The following TMEM106B variants were observed in gnomAD, a reference collection of about 807,000 sequenced individuals.
The protein encoded by TMEM106B is transmembrane protein 106B.
Under a neutral mutation model 31.1 loss-of-function variants are expected in TMEM106B, and 15 were observed. That is an observed-to-expected ratio of 0.48 (90% CI 0.32 to 0.74). The LOEUF (loss-of-function observed/expected upper bound fraction) is 0.74. Ranked by LOEUF, TMEM106B falls within the 30% of genes least tolerant of loss-of-function variation. TMEM106B has a pLI of 0.03. For synonymous variants in TMEM106B, 126 were observed against 112.5 expected (o/e 1.12, Z -0.76); for missense variants, 283 against 327.3 (o/e 0.86, Z 1.04).
chr7:12,213,973 C>T (rs556758642), intron 1 of TMEM106B, among the ~76,000 whole-genome samples: 3 of 152,282 alleles, frequency 2.0e-5, no homozygotes, highest in South Asian at 4.1e-4. Context: ...TCAGGCACAA[C>T]TGACCAGCAT....
intron 3 of TMEM106B, among the ~76,000 whole-genome samples, chr7:12,223,679 A>G (rs138606559): frequency 4.1e-5 from 6 of 147,324 alleles, no homozygotes; most frequent in African/African-American, 7.5e-5. Context: ...TAAATGTTCT[A>G]TTGTTTTTAA....
intron 2 of TMEM106B, among the ~76,000 whole-genome samples, chr7:12,215,319 G>A (rs1781665267): frequency 6.6e-6 from 1 of 151,800 alleles, no homozygotes; most frequent in Non-Finnish European, 1.5e-5. Flanking sequence ...AGTCCTATTT[G>A]GCATCTGTAG....
At chr7:12,227,232 T>C (rs550119892) in intron 4 of TMEM106B, among the ~76,000 whole-genome samples, 1 of 152,186 alleles carries the variant, frequency 6.6e-6, no homozygotes, top group Non-Finnish European at 1.5e-5. Flanking sequence ...TATAAGTATG[T>C]TGAAAATGGA....
chr7:12,233,715 G>A lies in TMEM106B; in HGVS notation c.*1740G>A, dbSNP rs545068418. ...ATCATTTTCATTTTTCTTCTGCTACGTTTCCTGACTACTACTGCATACTTC... is the reference window on the plus strand; with the variant it reads ...ATCATTTTCATTTTTCTTCTGCTACATTTCCTGACTACTACTGCATACTTC... On this transcript the variant is annotated 3_prime_UTR_variant, in exon 8 of 8. Transcript: ENST00000396668. The A allele has an allele frequency of 3.4e-5, 5 of 148,166 alleles. No homozygotes were observed. The highest frequency in any genetic ancestry group is 7.5e-5 in the Non-Finnish European group (5 of 66,974). 9.2% of individuals were successfully genotyped at this position (148,166 alleles called of 1,614,324 possible).
chr7:12,239,034 C>T lies in TMEM106B; in HGVS notation c.*7059C>T, dbSNP rs1007370630. 3 of 152,060 alleles carry T rather than the reference C, an allele frequency of 2.0e-5. No individual in the cohort carries two copies. In the East Asian group the frequency reaches 5.8e-4, roughly 29 times the overall value. The allele number at this position is 152,060 out of a possible 1,614,324, so 9.4% of individuals were successfully genotyped here. A position where few individuals can be genotyped will look rare whatever the true frequency, so the allele number is the denominator to read the frequency against. ...TAGCTATGAAAGTTTTAGATGGCAC[C>T]TTTTTGTAAAAGAAGGTTGTTTTAT... is the stretch of plus-strand genomic sequence containing the variant. On this transcript the variant is annotated 3_prime_UTR_variant, in exon 8 of 8. Transcript: ENST00000396668.
rs1441274612 is a variant in TMEM106B at position 12,237,810 on chromosome 7, T to TACACACACACACACACACACAC, written c.*5836_*5837insCACACACACACACACACACACA. On this transcript the variant is annotated 3_prime_UTR_variant, in exon 8 of 8. Coordinates refer to ENST00000396668, the MANE Select transcript of TMEM106B (RefSeq NM_001134232.2). ...ACATGGCGAGACCCCATATAAAATA[T>TACACACACACACACACACACAC]ATACATACACACACACACACACACA... 3 of 117,936 alleles carry TACACACACACACACACACACAC rather than the reference T, an allele frequency of 2.5e-5. No homozygotes were observed. Among genetic ancestry groups the TACACACACACACACACACACAC allele is most frequent in the South Asian group, 2.6e-4 (1 of 3,812 alleles). 7.3% of individuals were successfully genotyped at this position (117,936 alleles called of 1,614,324 possible).
At position 12,231,999 on chromosome 7, in the gene TMEM106B, G is replaced by C. The variant is rs778727485; in HGVS notation, c.*24G>C. On this transcript the variant is annotated 3_prime_UTR_variant, in exon 8 of 8. Transcript: ENST00000396668. ...AAAAACTGGAAGAGATGGATTTAAA[G>C]AAGAAATATCTATTGATATTTCCTA... 1 of 1,603,846 alleles carries C rather than the reference G, an allele frequency of 6.2e-7. No individual in the cohort carries two copies. Among genetic ancestry groups the C allele is most frequent in the South Asian group, 1.1e-5 (1 of 90,272 alleles).
chr7:12,212,280 A>G (rs1781595375), intron 1 of TMEM106B, among the ~76,000 whole-genome samples: 1 of 152,180 alleles, frequency 6.6e-6, no homozygotes, highest in Non-Finnish European at 1.5e-5. Flanking sequence ...GAGATCCCAG[A>G]AAGAGTGCCC....
At chr7:12,217,949 C>T (rs986605523) in intron 2 of TMEM106B, among the ~76,000 whole-genome samples, 2 of 152,006 alleles carry the variant, frequency 1.3e-5, no homozygotes, top group African/African-American at 2.4e-5. Flanking sequence ...CCTGAAAGGG[C>T]CCTGGAAGGC....
rs941431416 is a variant in TMEM106B at position 12,237,607 on chromosome 7, A to T, written c.*5632A>T. The T allele has an allele frequency of 6.6e-6, 1 of 152,118 alleles. No individual in the cohort carries two copies. The highest frequency in any genetic ancestry group is 1.5e-5 in the Non-Finnish European group (1 of 68,014). The allele number at this position is 152,118 out of a possible 1,614,324, so 9.4% of individuals were successfully genotyped here. A position where few individuals can be genotyped will look rare whatever the true frequency, so the allele number is the denominator to read the frequency against. ...TGGTTTCCCAGTGCATATGAAAGTT[A>T]TGTTTACATCATACTGTAGTCTATT... is the stretch of plus-strand genomic sequence containing the variant. On this transcript the variant is annotated 3_prime_UTR_variant, in exon 8 of 8. Transcript: ENST00000396668.
chr7:12,230,488 AAAAT>A, intron 6 of TMEM106B, 50 bp downstream of exon 6: 1 of 1,226,236 alleles, frequency 8.2e-7, no homozygotes, highest in South Asian at 1.3e-5. Flanking sequence ...TGAAGTGTAT[AAAAT>A]AAAGTATAAA....
intron 1 of TMEM106B, among the ~76,000 whole-genome samples, chr7:12,212,153 T>C (rs1781592292): frequency 6.6e-6 from 1 of 152,190 alleles, no homozygotes; most frequent in Admixed American, 6.5e-5. Context: ...TCATGGCAGC[T>C]ATTAGATTAG....
At chr7:12,221,649 CCT>C (rs1405657913) in intron 3 of TMEM106B, among the ~76,000 whole-genome samples, 1 of 152,042 alleles carries the variant, frequency 6.6e-6, no homozygotes, top group East Asian at 1.9e-4. Flanking sequence ...ACCAGCAAGC[CCT>C]GTGATTGTAC....
intron 7 of TMEM106B, 194 bp downstream of exon 7, chr7:12,231,309 G>A (rs769523168): frequency 1.9e-4 from 94 of 488,716 alleles, no homozygotes; most frequent in Middle Eastern, 5.2e-4. Context: ...GAAAGACTAC[G>A]TGACTGCTAA....
intron 3 of TMEM106B, among the ~76,000 whole-genome samples, chr7:12,223,077 G>C (rs541936924): frequency 6.6e-6 from 1 of 152,180 alleles, no homozygotes; most frequent in Non-Finnish European, 1.5e-5. Context: ...TTGTATGTTA[G>C]AGAGAACAGG....
chr7:12,231,019 A>G (rs765006672), intron 6 of TMEM106B, 43 bp from the exon 7 acceptor site: 2 of 1,351,820 alleles, frequency 1.5e-6, no homozygotes, highest in Non-Finnish European at 2.1e-6. Flanking sequence ...TTAATTTATA[A>G]TGTAGTAACT....
chr7:12,224,041 A>T (rs1781845093), intron 3 of TMEM106B, among the ~76,000 whole-genome samples, 185 bp from the exon 4 acceptor site: 1 of 152,176 alleles, frequency 6.6e-6, no homozygotes, highest in African/African-American at 2.4e-5. Flanking sequence ...TAAAGAGAAC[A>T]TCTTAACACT....
chr7:12,231,527 T>G (rs1430838661), intron 7 of TMEM106B: 1 of 255,936 alleles, frequency 3.9e-6, no homozygotes, highest in East Asian at 7.6e-5. Flanking sequence ...TTGATTAACC[T>G]TTTTTTCTAT....
Position 12,240,823 on chromosome 7 carries a change from AG to A in TMEM106B, c.*8849del, listed in dbSNP as rs1490919685. The stretch of plus-strand genomic sequence containing the variant: ...TTTGATTTGAGAGCAGAAGACCTGC[AG>A]CCCCTGACTGCTCACCTTTCCAGGG... On this transcript the variant is annotated 3_prime_UTR_variant, in exon 8 of 8. Transcript: ENST00000396668. 1 of 152,184 alleles carries A rather than the reference AG, an allele frequency of 6.6e-6. No individual in the cohort carries two copies. The highest frequency in any genetic ancestry group is 1.5e-5 in the Non-Finnish European group (1 of 68,046). 9.4% of individuals were successfully genotyped at this position (152,184 alleles called of 1,614,324 possible). A position where few individuals can be genotyped will look rare whatever the true frequency, so the allele number is the denominator to read the frequency against.
Sources: allele counts gnomAD v4.1 joint callset (sites outside exome capture counted in the v4.1 genomes callset), GRCh38; gene constraint gnomAD v4.1.1; transcripts MANE v1.5; gene names NCBI Gene and HGNC (gene_info 2026-07-23, HGNC 2026-07-21).